WNT2: variants seen among roughly 807,000 people sequenced by gnomAD.
WNT2 encodes protein Wnt-2.
A neutral mutation model predicts 36.9 loss-of-function variants in WNT2; 12 were observed. That is an observed-to-expected ratio of 0.33 (90% CI 0.21 to 0.53). WNT2 has a LOEUF of 0.53. Ranked by LOEUF, WNT2 falls within the 20% of genes least tolerant of loss-of-function variation. The pLI, the probability that WNT2 is intolerant of heterozygous loss-of-function variation, is 0.95. For synonymous variants in WNT2, 163 were observed against 174.6 expected, an observed-to-expected ratio of 0.93 and a Z score of 0.52; for missense variants, 379 against 473.1, an observed-to-expected ratio of 0.80 and a Z score of 1.84.
chr7:117,296,991 T>C (rs562858021), intron 4 of WNT2, among the ~76,000 whole-genome samples: 52 of 152,308 alleles, frequency 3.4e-4, no homozygotes, highest in Non-Finnish European at 5.6e-4. Context: ...CCATTTTCCA[T>C]AGTCACAGTG....
Position 117,320,656 on chromosome 7 carries a change from G to C in WNT2, c.221C>G (p.Ala74Gly). Residue 74 changes from alanine (A) to glycine (G), a missense_variant, in exon 2 of 5, where the codon GCA becomes GGA. Transcript: ENST00000265441. ...AISQGVAEWT[A>G]ECQHQFRQHR... ...CTGGCGGAACTGGTGCTGGCATTCT[G>C]CTGTCCACTCGGCCACGCCCTGGCT... 2 of 1,613,962 alleles carry C rather than the reference G, an allele frequency of 1.2e-6. No individual in the cohort carries two copies. The highest frequency in any genetic ancestry group is 1.7e-6 in the Non-Finnish European group (2 of 1,179,936).
At chr7:117,308,189 A>C (rs1036359543) in intron 3 of WNT2, among the ~76,000 whole-genome samples, 4 of 152,222 alleles carry the variant, frequency 2.6e-5, no homozygotes, top group Non-Finnish European at 5.9e-5. Flanking sequence ...AAGAAGAAAA[A>C]TTTATTAAAA....
At chr7:117,312,868 G>C (rs193133711) in intron 3 of WNT2, among the ~76,000 whole-genome samples, 52 of 152,288 alleles carry the variant, frequency 3.4e-4, no homozygotes, top group Admixed American at 3.4e-3. Flanking sequence ...TGGCAGTGAT[G>C]AATTCTGACT....
Position 117,284,477 on chromosome 7 carries a change from C to T in WNT2, c.854-6093G>A, listed in dbSNP as rs1584675826. On this transcript the variant is annotated intron_variant, in intron 4 of 4. Coordinates refer to ENST00000265441, the MANE Select transcript of WNT2 (RefSeq NM_003391.3). This position sits in a 1 kb window ranked among gnomAD's most constrained non-coding sequence, Gnocchi z 5.2. ...TGTTTTTTCTCAAATAATATACAAA[C>T]TTGTTAACTGAGTCACTCACCCTTG... 6.6e-6 allele frequency among the ~76,000 whole-genome samples: 1 copy of T among 152,178 alleles called. No individual in the cohort carries two copies. The highest frequency in any genetic ancestry group is 1.9e-4 in the East Asian group (1 of 5,178).
At chr7:117,299,283 T>C (rs1794856166) in intron 3 of WNT2, among the ~76,000 whole-genome samples, 1 of 152,224 alleles carries the variant, frequency 6.6e-6, no homozygotes, top group Non-Finnish European at 1.5e-5. Flanking sequence ...CTCTTCCCCA[T>C]GTGGCTCTCA....
At chr7:117,321,561 G>C (rs552096251) in intron 1 of WNT2, among the ~76,000 whole-genome samples, 2 of 152,122 alleles carry the variant, frequency 1.3e-5, no homozygotes, top group African/African-American at 2.4e-5. Flanking sequence ...GTTTAGAAAG[G>C]TACCTTTTAT....
At chr7:117,281,828 G>A (rs1192080326) in intron 4 of WNT2, among the ~76,000 whole-genome samples, 1 of 152,158 alleles carries the variant, frequency 6.6e-6, no homozygotes, top group African/African-American at 2.4e-5. Context: ...AGTTAATTTG[G>A]CTGCACACCA....
At chr7:117,283,047 C>T (rs1006056206) in intron 4 of WNT2, among the ~76,000 whole-genome samples, 2 of 152,132 alleles carry the variant, frequency 1.3e-5, no homozygotes, top group Admixed American at 1.3e-4. Flanking sequence ...ACATGGGGGA[C>T]ACTTGGTTAG....
chr7:117,296,132 G>T lies in WNT2; in HGVS notation c.853+1480C>A, dbSNP rs1794785368. On this transcript the variant is annotated intron_variant, in intron 4 of 4. Coordinates refer to ENST00000265441, the MANE Select transcript of WNT2 (RefSeq NM_003391.3). ...AAACAGCTAGTGACTGGTAGAGGGG[G>T]GTCAGACCCCTGGGACAATCCTGTA... is the stretch of plus-strand genomic sequence containing the variant. 1.3e-5 allele frequency among the ~76,000 whole-genome samples: 2 copies of T among 152,126 alleles called. 1 individual carries two copies. The highest frequency in any genetic ancestry group is 4.1e-4 in the South Asian group (2 of 4,828).
intron 4 of WNT2, among the ~76,000 whole-genome samples, chr7:117,290,745 CT>C: frequency 6.6e-6 from 1 of 152,340 alleles, no homozygotes; most frequent in East Asian, 1.9e-4. Flanking sequence ...GTCCCAGTGC[CT>C]GGCTACTGCT....
Position 117,320,672 on chromosome 7 carries a change from C to A in WNT2, c.205G>T (p.Val69Leu). The A allele has an allele frequency of 6.2e-7, 1 of 1,613,970 alleles. No homozygotes were observed. The highest frequency in any genetic ancestry group is 8.5e-7 in the Non-Finnish European group (1 of 1,179,934). ...PDVMRAISQG[V>L]AEWTAECQHQ... ...TGGCATTCTGCTGTCCACTCGGCCA[C>A]GCCCTGGCTAATGGCACGCATCACA... The change falls in exon 2 of 5, where the codon GTG becomes TTG. Residue 69 changes from valine (V) to leucine (L), a missense_variant. Transcript: ENST00000265441.
intron 4 of WNT2, among the ~76,000 whole-genome samples, chr7:117,292,626 C>T (rs1056790808): frequency 6.6e-6 from 1 of 152,164 alleles, no homozygotes; most frequent in East Asian, 1.9e-4. Context: ...AGCCTAGTAG[C>T]GTTACTTCAG....
intron 3 of WNT2, among the ~76,000 whole-genome samples, chr7:117,313,833 T>C (rs977301706): frequency 6.6e-6 from 1 of 152,226 alleles, no homozygotes; most frequent in Non-Finnish European, 1.5e-5. Flanking sequence ...TGTAAGTTCA[T>C]AAATTCATGA....
Position 117,278,064 on chromosome 7 carries a change from AT to A in WNT2, c.*90del. On this transcript the variant is annotated 3_prime_UTR_variant, in exon 5 of 5. Transcript: ENST00000265441. The stretch of plus-strand genomic sequence containing the variant: ...ATAAAGGCCACATGCCTTAGGAAAT[AT>A]CCCCCCAGAAAGAACCCAAAGGTCC... 4 of 1,432,278 alleles carry A rather than the reference AT, an allele frequency of 2.8e-6. No homozygotes were observed. In the South Asian group the frequency reaches 3.8e-5, roughly 14 times the overall value. The allele number at this position is 1,432,278 out of a possible 1,614,324, so 88.7% of individuals were successfully genotyped here. A position where few individuals can be genotyped will look rare whatever the true frequency, so the allele number is the denominator to read the frequency against.
At chr7:117,280,570 G>T (rs375428004) in intron 4 of WNT2, among the ~76,000 whole-genome samples, 2 of 152,172 alleles carry the variant, frequency 1.3e-5, no homozygotes, top group African/African-American at 4.8e-5. Flanking sequence ...CATGTGCAAA[G>T]CACCACAGCA....
intron 3 of WNT2, among the ~76,000 whole-genome samples, chr7:117,305,039 A>G (rs1014471561): frequency 6.6e-6 from 1 of 152,024 alleles, no homozygotes; most frequent in Non-Finnish European, 1.5e-5. Flanking sequence ...CCTACCATCT[A>G]GCATGTGGCT....
At chr7:117,315,413 A>G (rs1361714939) in intron 2 of WNT2, 65 bp from the exon 3 acceptor site, 12 of 1,489,008 alleles carry the variant, frequency 8.1e-6, no homozygotes, top group Non-Finnish European at 1.1e-5. Flanking sequence ...CTTTCATATG[A>G]CAATTGTTTA....
At chr7:117,304,020 C>G (rs1794963819) in intron 3 of WNT2, among the ~76,000 whole-genome samples, 1 of 152,298 alleles carries the variant, frequency 6.6e-6, no homozygotes, top group East Asian at 1.9e-4. Context: ...ACGCTGTATC[C>G]TAGATGCCAT....
chr7:117,295,819 G>A (rs1311910363), intron 4 of WNT2, among the ~76,000 whole-genome samples: 1 of 152,218 alleles, frequency 6.6e-6, no homozygotes, highest in Non-Finnish European at 1.5e-5. Flanking sequence ...GTACAATGGA[G>A]AAGGTGATAT....
Sources: allele counts gnomAD v4.1 joint callset (sites outside exome capture counted in the v4.1 genomes callset), GRCh38; gene constraint gnomAD v4.1.1; non-coding constraint Gnocchi (gnomAD v3.1); transcripts MANE v1.5; gene names NCBI Gene and HGNC (gene_info 2026-07-23, HGNC 2026-07-21).